Variants in DEPDC4 observed in about 807,000 individuals in gnomAD.
The protein encoded by DEPDC4 is DEP domain containing 4.
DEPDC4 carries 52 observed loss-of-function variants against 52.0 expected under a neutral mutation model. The observed-to-expected ratio is 1.00, with a 90% CI of 0.80 to 1.26. DEPDC4 has a LOEUF of 1.26. Ranked by LOEUF, DEPDC4 falls within the 50% of genes most tolerant of loss-of-function variation. The probability of loss-of-function intolerance (pLI) is 0.00; values close to 1 mark genes in which losing one functional copy is unlikely to be tolerated. For missense variants in DEPDC4, 530 were observed against 546.9 expected (o/e 0.97, Z 0.31); for synonymous variants, 201 against 196.8 (o/e 1.02, Z -0.18).
the DEPDC4 span, among the ~76,000 whole-genome samples, chr12:100,280,730 C>T: frequency 6.6e-6 from 1 of 152,158 alleles, no homozygotes; most frequent in East Asian, 1.9e-4. Flanking sequence ...CTCTTTGGAG[C>T]ATTTCAGATT....
intron 1 of DEPDC4, among the ~76,000 whole-genome samples, chr12:100,264,918 T>TA (rs2096266198): frequency 6.6e-6 from 1 of 152,106 alleles, no homozygotes; most frequent in African/African-American, 2.4e-5. Flanking sequence ...ATGCTGAACT[T>TA]ACTCTCCAAA....
In DEPDC4 at chr12:100,241,626, G is replaced by T. The variant is rs1214945096; in HGVS notation, c.*266C>A. The T allele has an allele frequency of 2.2e-5, 24 of 1,081,336 alleles. No homozygotes were observed. The highest frequency in any genetic ancestry group is 2.7e-5 in the Non-Finnish European group (23 of 864,874). The allele number at this position is 1,081,336 out of a possible 1,614,324, so 67.0% of individuals were successfully genotyped here. A position where few individuals can be genotyped will look rare whatever the true frequency, so the allele number is the denominator to read the frequency against. ...ATGGCAATTTGAGAAAACCACCAGA[G>T]AATTGTTTATATTTACAAATTGTAG... On this transcript the variant is annotated 3_prime_UTR_variant, in exon 10 of 10. Coordinates refer to ENST00000550587, the MANE Select transcript of DEPDC4 (RefSeq NM_001364818.2).
At chr12:100,267,221 TC>T, upstream of DEPDC4, 13 of 789,832 alleles carry the variant, frequency 1.6e-5, no homozygotes, top group Non-Finnish European at 2.5e-5. Context: ...GTCCCTCCCC[TC>T]CCCACCCCTT....
rs1445477550 is a variant in DEPDC4 at position 100,253,655 on chromosome 12, T to G, written c.939A>C (p.Ile313=). ...GCATTAACTGCTGACTAACTGTAAC[T>G]ATTAACTGGTCAGGGAAATACTCCA... ...ECLEYFPDQL[I]VTVSQQLMQN... The change falls in exon 5 of 10, where the codon ATA becomes ATC. Residue 313 remains isoleucine, a synonymous_variant. Transcript: ENST00000550587. 7.8e-7 allele frequency: 1 copy of G among 1,290,000 alleles called. No homozygotes were observed. Among genetic ancestry groups the G allele is most frequent in the African/African-American group, 1.5e-5 (1 of 66,000 alleles). 79.9% of individuals were successfully genotyped at this position (1,290,000 alleles called of 1,614,324 possible).
chr12:100,259,498 T>C (rs1340979221), intron 3 of DEPDC4, among the ~76,000 whole-genome samples: 1 of 152,232 alleles, frequency 6.6e-6, no homozygotes, highest in Non-Finnish European at 1.5e-5. Context: ...GGAAAAGGAA[T>C]AATATATATT....
upstream of DEPDC4, chr12:100,267,599 G>A (rs1592918064): frequency 6.6e-6 from 1 of 152,580 alleles, no homozygotes; most frequent in Admixed American, 6.5e-5. Context: ...GCAAAGCGGG[G>A]CTGGACGAGC....
chr12:100,268,211 A>G (rs2096281926), upstream of DEPDC4, among the ~76,000 whole-genome samples: 1 of 152,208 alleles, frequency 6.6e-6, no homozygotes, highest in Non-Finnish European at 1.5e-5. Context: ...CTCAGGAATT[A>G]TTTGTGATGA....
At chr12:100,245,631 TC>T (rs1209991641) in intron 8 of DEPDC4, among the ~76,000 whole-genome samples, 1 of 152,174 alleles carries the variant, frequency 6.6e-6, no homozygotes, top group Non-Finnish European at 1.5e-5. Context: ...TAAATATTTC[TC>T]AAACTGTTCC....
At chr12:100,267,142 G>A (rs906735229), upstream of DEPDC4, 16 of 1,546,926 alleles carry the variant, frequency 1.0e-5, no homozygotes, top group Admixed American at 3.8e-5. Context: ...GAACCGGCAG[G>A]AAGTGACGTC....
At chr12:100,264,881 C>A (rs765346309) in intron 1 of DEPDC4, among the ~76,000 whole-genome samples, 4 of 151,886 alleles carry the variant, frequency 2.6e-5, no homozygotes, top group Non-Finnish European at 5.9e-5. Context: ...GGACATATTG[C>A]ATAATGAAAA....
chr12:100,247,697 C>T (rs1475488259), intron 8 of DEPDC4, among the ~76,000 whole-genome samples: 1 of 152,124 alleles, frequency 6.6e-6, no homozygotes, highest in Non-Finnish European at 1.5e-5. Flanking sequence ...TTTCAGAATA[C>T]TTCATTAGTA....
chr12:100,243,413 C>T (rs986518497), intron 8 of DEPDC4, among the ~76,000 whole-genome samples: 5 of 152,186 alleles, frequency 3.3e-5, no homozygotes, highest in African/African-American at 1.2e-4. Context: ...CAGTGCTCCC[C>T]TTGTAAACCC....
chr12:100,246,995 C>T (rs1430971372), intron 8 of DEPDC4, among the ~76,000 whole-genome samples: 1 of 151,800 alleles, frequency 6.6e-6, no homozygotes, highest in East Asian at 1.9e-4. Flanking sequence ...AAAAAGCATA[C>T]AACACAAAGC....
chr12:100,281,409 A>G, the DEPDC4 span, among the ~76,000 whole-genome samples: 25 of 152,226 alleles, frequency 1.6e-4, 1 homozygote, highest in South Asian at 3.5e-3. Flanking sequence ...AATTTGGGCT[A>G]GGTGTGGTGG....
intron 3 of DEPDC4, among the ~76,000 whole-genome samples, chr12:100,257,997 ATAGATAGATAGATAG>A (rs1476459215): frequency 6.6e-6 from 1 of 151,766 alleles, no homozygotes; most frequent in Non-Finnish European, 1.5e-5. Context: ...AGATAGATAG[ATAGATAGATAGATAG>A]ATAGATAGAT....
downstream of DEPDC4, among the ~76,000 whole-genome samples, chr12:100,235,396 A>G (rs553877479): frequency 1.0e-4 from 14 of 139,246 alleles, no homozygotes; most frequent in South Asian, 2.3e-3. Context: ...CTTCATTTCC[A>G]TAGGTTTTTG....
At chr12:100,262,743 A>C (rs973737087) in intron 2 of DEPDC4, among the ~76,000 whole-genome samples, 19 of 152,222 alleles carry the variant, frequency 1.2e-4, no homozygotes, top group African/African-American at 4.6e-4. Flanking sequence ...AAGCATATCC[A>C]TTCCTTAGAA....
upstream of DEPDC4, chr12:100,267,440 G>A (rs7316039): frequency 5.6e-6 from 1 of 177,268 alleles, no homozygotes; most frequent in Admixed American, 6.3e-5. Context: ...CCTCACCGGC[G>A]GCTCTCTCGC....
At chr12:100,278,293 G>C in the DEPDC4 span, among the ~76,000 whole-genome samples, 1 of 151,980 alleles carries the variant, frequency 6.6e-6, no homozygotes, top group South Asian at 2.1e-4. Flanking sequence ...TCCACCTCCT[G>C]GTCTCAATTG....
Sources: allele counts gnomAD v4.1 joint callset (sites outside exome capture counted in the v4.1 genomes callset), GRCh38; gene constraint gnomAD v4.1.1; transcripts MANE v1.5; gene names NCBI Gene and HGNC (gene_info 2026-07-23, HGNC 2026-07-21).